Variants in SLC47A2 observed in about 807,000 individuals in gnomAD.
The protein encoded by SLC47A2 is multidrug and toxin extrusion protein 2.
A neutral mutation model predicts 67.7 loss-of-function variants in SLC47A2; 52 were observed. The ratio of observed to expected loss-of-function variants is 0.77; its 90% CI spans 0.61 to 0.97. The LOEUF is 0.97. Ranked by LOEUF, SLC47A2 falls within the 50% of genes least tolerant of loss-of-function variation. The pLI, the probability that SLC47A2 is intolerant of heterozygous loss-of-function variation, is 0.00. For synonymous variants in SLC47A2, 278 were observed against 292.9 expected (o/e 0.95, Z 0.52); for missense variants, 676 against 712.3 (o/e 0.95, Z 0.58).
At chr17:19,718,295 T>C (rs1746108995), upstream of SLC47A2, 1 of 152,252 alleles carries the variant, frequency 6.6e-6, no homozygotes, top group South Asian at 2.1e-4. Flanking sequence ...GCAATACTTC[T>C]TGGGAGCCCA....
intron 13 of SLC47A2, among the ~76,000 whole-genome samples, chr17:19,694,428 A>C (rs2085612474): frequency 6.6e-6 from 1 of 152,220 alleles, no homozygotes; most frequent in Non-Finnish European, 1.5e-5. Flanking sequence ...GACATAAATC[A>C]ATGGAACGGA....
At chr17:19,718,922 A>G (rs1450844885), upstream of SLC47A2, 1 of 152,206 alleles carries the variant, frequency 6.6e-6, no homozygotes, top group Non-Finnish European at 1.5e-5. Context: ...CTCAGCTCCG[A>G]GTTGGGTTTT....
chr17:19,714,533 T>C (rs1031909332), intron 3 of SLC47A2, 188 bp downstream of exon 3: 3 of 686,566 alleles, frequency 4.4e-6, no homozygotes, highest in Admixed American at 2.3e-5. Context: ...GCCCAGACTC[T>C]TTCAAAGGGG....
At chr17:19,689,003 C>G (rs1197997629) in intron 13 of SLC47A2, among the ~76,000 whole-genome samples, 2 of 151,904 alleles carry the variant, frequency 1.3e-5, no homozygotes, top group African/African-American at 4.8e-5. Flanking sequence ...GTAGTTAGGA[C>G]TACAGGCATG....
At chr17:19,716,758 C>G, upstream of SLC47A2, 1 of 726,180 alleles carries the variant, frequency 1.4e-6, no homozygotes, top group Non-Finnish European at 2.1e-6. Flanking sequence ...CCTACTGCCT[C>G]AGCCACTAGG....
intron 5 of SLC47A2, among the ~76,000 whole-genome samples, chr17:19,709,321 G>T (rs1012262563): frequency 6.6e-6 from 1 of 152,202 alleles, no homozygotes; most frequent in African/African-American, 2.4e-5. Flanking sequence ...CAGTGTGTGT[G>T]TTGGGGGGCA....
At chr17:19,701,593 G>C (rs900978272) in intron 13 of SLC47A2, among the ~76,000 whole-genome samples, 3 of 152,224 alleles carry the variant, frequency 2.0e-5, no homozygotes, top group Admixed American at 2.0e-4. Context: ...AAGAATTCAC[G>C]TAACTCCAGA....
chr17:19,695,527 A>G (rs1049454898), intron 13 of SLC47A2, among the ~76,000 whole-genome samples: 1 of 150,958 alleles, frequency 6.6e-6, no homozygotes, highest in Non-Finnish European at 1.5e-5. Context: ...AAAAAAAAAA[A>G]AAGAAAAAAT....
rs2086019476 is a variant in SLC47A2 at position 19,708,847 on chromosome 17, AG to A, written c.487-88del. 5.3e-6 allele frequency: 8 copies of A among 1,500,554 alleles called. No individual in the cohort carries two copies. The East Asian group carries it at 6.8e-5, about 13-fold the overall frequency. 93.0% of individuals were successfully genotyped at this position (1,500,554 alleles called of 1,614,324 possible). ...TAACAGACATTCCTTTCCAGGACAT[AG>A]TACCCCAGATTGGGGAAATTACTTC... On this transcript the variant is annotated intron_variant, in intron 5 of 16. Transcript: ENST00000433844.
At chr17:19,708,623 G>A in intron 6 of SLC47A2, 93 bp downstream of exon 6, 3 of 1,593,868 alleles carry the variant, frequency 1.9e-6, no homozygotes, top group Non-Finnish European at 2.6e-6. Context: ...GTTCACAGAT[G>A]GTGGAGAGAA....
chr17:19,716,079 G>A, intron 1 of SLC47A2: 1 of 228,816 alleles, frequency 4.4e-6, no homozygotes, highest in Non-Finnish European at 8.5e-6. Context: ...ATGGGTAGCC[G>A]GCCCCTTCTT....
chr17:19,710,035 G>C (rs1442741402), intron 5 of SLC47A2, among the ~76,000 whole-genome samples: 1 of 152,132 alleles, frequency 6.6e-6, no homozygotes, highest in Non-Finnish European at 1.5e-5. Context: ...GGGTCTGCTG[G>C]GACTGCACAC....
At position 19,713,930 on chromosome 17, in the gene SLC47A2, T is replaced by G. The variant is rs763881488; in HGVS notation, c.338A>C (p.Gln113Pro). The G allele has an allele frequency of 5.6e-6, 9 of 1,613,384 alleles. No homozygotes were observed. Among genetic ancestry groups the G allele is most frequent in the Non-Finnish European group, 7.6e-6 (9 of 1,179,712 alleles). ...GAGGAGCAGGACCAGCGCGCCCCGC[T>G]GCAGGATCACGCCCACGTGCTTCTT... The part of the protein sequence containing the change: ...PNKKHVGVIL[Q>P]RGALVLLLCC... The change falls in exon 4 of 17, where the codon CAG (glutamine) becomes CCG (proline). Residue 113 changes from glutamine to proline, a missense_variant. Gln to Pro is a moderately conservative substitution (Grantham distance 76). Coordinates refer to ENST00000433844, the MANE Select transcript of SLC47A2 (RefSeq NM_001099646.3).
Position 19,678,758 on chromosome 17 carries a change from C to A in SLC47A2, c.1629G>T (p.Gly543=), listed in dbSNP as rs145748133. 445 of 1,613,990 alleles carry A rather than the reference C, an allele frequency of 2.8e-4. No individual in the cohort carries two copies. Among genetic ancestry groups the A allele is most frequent in the Non-Finnish European group, 3.6e-4 (425 of 1,180,054 alleles). The part of the protein sequence containing the change: ...LSVKQLVIRR[G]AALGAASATL... ...TGGCTGACGCCGCCCCCAGAGCAGCCCCACGGCGGATGACCAGCTGTTTCA... is the reference window on the plus strand; with the variant it reads ...TGGCTGACGCCGCCCCCAGAGCAGCACCACGGCGGATGACCAGCTGTTTCA... Residue 543 remains glycine, a synonymous_variant, in exon 17 of 17, where the codon GGG becomes GGT. Transcript: ENST00000433844.
chr17:19,705,591 C>A, intron 9 of SLC47A2, 88 bp from the exon 10 acceptor site: 4 of 1,264,600 alleles, frequency 3.2e-6, no homozygotes, highest in South Asian at 1.5e-5. Flanking sequence ...TTTGGGGACT[C>A]AGGGGCTTTT....
intron 13 of SLC47A2, among the ~76,000 whole-genome samples, chr17:19,698,324 G>A (rs1438294770): frequency 6.6e-6 from 1 of 152,062 alleles, no homozygotes; most frequent in Non-Finnish European, 1.5e-5. Flanking sequence ...ATACATGTTA[G>A]CTCAGTTACT....
At position 19,703,062 on chromosome 17, in the gene SLC47A2, A is replaced by G. The variant is rs369165056; in HGVS notation, c.1094+30T>C. ...ACTGGGAACCACTTTGACATTTTCC[A>G]AGAGTCAGCACAGAAAACTGATTAC... On this transcript the variant is annotated intron_variant, in intron 12 of 16. Transcript: ENST00000433844. 5.7e-4 allele frequency: 909 copies of G among 1,604,082 alleles called. 8 individuals carry two copies. Among genetic ancestry groups the G allele is most frequent in the Admixed American group, 6.5e-4 (39 of 59,972 alleles).
rs762525008 is a variant in SLC47A2, at chr17:19,713,929, C to G, written c.339G>C (p.Gln113His). 9 of 1,613,404 alleles carry G rather than the reference C, an allele frequency of 5.6e-6. No homozygotes were observed. Among genetic ancestry groups the G allele is most frequent in the Non-Finnish European group, 7.6e-6 (9 of 1,179,704 alleles). ...PNKKHVGVIL[Q>H]RGALVLLLCC... Reference sequence around the variant, plus strand: ...AGAGGAGCAGGACCAGCGCGCCCCGCTGCAGGATCACGCCCACGTGCTTCT... The same window carrying G: ...AGAGGAGCAGGACCAGCGCGCCCCGGTGCAGGATCACGCCCACGTGCTTCT... Residue 113 changes from glutamine (Q) to histidine (H), a missense_variant, in exon 4 of 17, where the codon CAG (glutamine) becomes CAC (histidine). Physicochemically the swap from Gln to His is conservative, Grantham distance 24. Coordinates refer to ENST00000433844, the MANE Select transcript of SLC47A2 (RefSeq NM_001099646.3).
chr17:19,678,424 C>G lies in SLC47A2; in HGVS notation c.*262G>C, dbSNP rs2085235402. 9.9e-6 allele frequency: 5 copies of G among 505,398 alleles called. No individual in the cohort carries two copies. Among genetic ancestry groups the G allele is most frequent in the Non-Finnish European group, 1.8e-5 (5 of 281,614 alleles). The allele number at this position is 505,398 out of a possible 1,614,324, so 31.3% of individuals were successfully genotyped here. A position where few individuals can be genotyped will look rare whatever the true frequency, so the allele number is the denominator to read the frequency against. On this transcript the variant is annotated 3_prime_UTR_variant, in exon 17 of 17. Transcript: ENST00000433844. ...TAATAATAGTGACAATCCCTGGACT[C>G]TGACTCGTGCAGTTGGCTGATGTCT...
Sources: allele counts gnomAD v4.1 joint callset (sites outside exome capture counted in the v4.1 genomes callset), GRCh38; gene constraint gnomAD v4.1.1; transcripts MANE v1.5; gene names NCBI Gene and HGNC (gene_info 2026-07-23, HGNC 2026-07-21).